ANK2: variants seen among roughly 807,000 people sequenced by gnomAD.
ANK2 encodes ankyrin 2.
ANK2 carries 83 observed loss-of-function variants against 360.5 expected under a neutral mutation model. The ratio of observed to expected loss-of-function variants is 0.23; its 90% CI spans 0.19 to 0.28. The LOEUF (loss-of-function observed/expected upper bound fraction) is 0.28, where lower values mean the gene tolerates loss of function less well. Among genes scored for constraint, ANK2 ranks in the 10% least tolerant of loss-of-function variants. ANK2 has a pLI of 1.00. For missense variants in ANK2, 4,201 were observed against 4,795.7 expected, an observed-to-expected ratio of 0.88 and a Z score of 3.66; for synonymous variants, 1,740 against 1,759.5, an observed-to-expected ratio of 0.99 and a Z score of 0.28.
intron 19 of ANK2, among the ~76,000 whole-genome samples, 192 bp downstream of exon 19, chr4:113,287,895 G>C (rs2065509112): frequency 1.3e-5 from 2 of 152,170 alleles, no homozygotes; most frequent in Non-Finnish European, 2.9e-5. Context: ...AAGTCCAGTG[G>C]ATAGCATGAG....
the ANK2 span, among the ~76,000 whole-genome samples, chr4:112,768,171 C>CCCA: frequency 1.1e-4 from 17 of 152,238 alleles, no homozygotes; most frequent in African/African-American, 4.1e-4. Context: ...ACTCCATAAT[C>CCCA]AATAGTCAAA....
At chr4:113,024,876 A>C (rs76128368) in intron 2 of ANK2, among the ~76,000 whole-genome samples, 7,482 of 152,262 alleles carry the variant, frequency 0.049, 241 homozygotes, top group Non-Finnish European at 0.077. Context: ...TTTCCCATAA[A>C]AAATTTTCTT....
At chr4:113,160,691 C>CA (rs1387216236) in intron 1 of ANK2, among the ~76,000 whole-genome samples, 1 of 152,172 alleles carries the variant, frequency 6.6e-6, no homozygotes, top group African/African-American at 2.4e-5. Context: ...ATGAATAAGT[C>CA]ATGGACTATT....
chr4:113,192,145 T>C (rs778873868), intron 2 of ANK2, among the ~76,000 whole-genome samples: 3 of 152,224 alleles, frequency 2.0e-5, no homozygotes, highest in Admixed American at 6.5e-5. Context: ...ACGTGTGCTA[T>C]GGTGGTTTGC....
At chr4:113,364,531 G>T (rs1279812577) in intron 40 of ANK2, among the ~76,000 whole-genome samples, 1 of 152,160 alleles carries the variant, frequency 6.6e-6, no homozygotes, top group African/African-American at 2.4e-5. Flanking sequence ...GGACACAATT[G>T]CTTTACTTAG....
the ANK2 span, among the ~76,000 whole-genome samples, chr4:112,758,406 C>T: frequency 3.9e-5 from 6 of 151,920 alleles, no homozygotes; most frequent in Non-Finnish European, 8.8e-5. Flanking sequence ...GAAATGCTGT[C>T]TATTTTTATT....
intron 45 of ANK2, among the ~76,000 whole-genome samples, chr4:113,379,874 A>G (rs1215345033): frequency 6.6e-6 from 1 of 152,210 alleles, no homozygotes; most frequent in African/African-American, 2.4e-5. Flanking sequence ...GAGGTATTGG[A>G]TGATGGCAGA....
the ANK2 span, among the ~76,000 whole-genome samples, chr4:112,765,079 C>G: frequency 4.6e-5 from 7 of 152,196 alleles, no homozygotes; most frequent in South Asian, 2.1e-4. Context: ...TAATTGTTAT[C>G]TCTACTGATG....
intron 1 of ANK2, among the ~76,000 whole-genome samples, chr4:112,829,289 G>A (rs1349753318): frequency 6.6e-6 from 1 of 152,040 alleles, no homozygotes; most frequent in African/African-American, 2.4e-5. Flanking sequence ...AACTATTACT[G>A]TATTAGAGTC....
chr4:113,193,898 A>T (rs1031535747), intron 2 of ANK2, among the ~76,000 whole-genome samples: 3 of 152,208 alleles, frequency 2.0e-5, no homozygotes, highest in African/African-American at 7.2e-5. Context: ...GATGTTATAT[A>T]AGTTAGTTGT....
Position 113,356,254 on chromosome 4 carries a change from G to T in ANK2, c.7636G>T (p.Val2546Phe). 1 of 1,614,048 alleles carries T rather than the reference G, an allele frequency of 6.2e-7. No individual in the cohort carries two copies. The highest frequency in any genetic ancestry group is 1.1e-5 in the South Asian group (1 of 91,082). The change falls in exon 38 of 46, where the codon GTC (valine) becomes TTC (phenylalanine). Residue 2546 changes from valine to phenylalanine, a missense_variant. By Grantham distance (50) the Val-to-Phe change is conservative. Coordinates refer to ENST00000357077, the MANE Select transcript of ANK2 (RefSeq NM_001148.6). Reference sequence around the variant, plus strand: ...TCCTGACACCCCCAGCTCTGAAGAAGTCAGCTATGAGGTTACACCCAAAAC... The same window carrying T: ...TCCTGACACCCCCAGCTCTGAAGAATTCAGCTATGAGGTTACACCCAAAAC... ...LSPDTPSSEEVSYEVTPKTTD... is the reference protein window; with the variant it reads ...LSPDTPSSEEFSYEVTPKTTD...
At chr4:113,379,476 T>G (rs142462055) in intron 45 of ANK2, among the ~76,000 whole-genome samples, 18 of 152,328 alleles carry the variant, frequency 1.2e-4, no homozygotes, top group Admixed American at 9.8e-4. Context: ...CAGAAACACA[T>G]TGGCCTACAT....
At chr4:112,939,476 A>AT (rs11402408) in intron 2 of ANK2, among the ~76,000 whole-genome samples, 49,849 of 147,536 alleles carry the variant, frequency 0.34, 10,567 homozygotes, top group African/African-American at 0.61. Context: ...TGCCTGGCTA[A>AT]TTTTTTTTTT....
Position 112,904,538 on chromosome 4 carries a change from A to G in ANK2, c.21+24A>G, listed in dbSNP as rs76764953. ...AGGTACTTTTGGTATTTTAAATATTACTTTAAAGGAATCTTATAAAAAGAC... is the reference window on the plus strand; with the variant it reads ...AGGTACTTTTGGTATTTTAAATATTGCTTTAAAGGAATCTTATAAAAAGAC... On this transcript the variant is annotated intron_variant, in intron 2 of 30. Transcript: ENST00000503271. The G allele has an allele frequency of 1.5e-3, 2,107 of 1,444,442 alleles. 17 individuals carry two copies. In the African/African-American group the frequency reaches 0.025, roughly 17 times the overall value. 89.5% of individuals were successfully genotyped at this position (1,444,442 alleles called of 1,614,324 possible). A position where few individuals can be genotyped will look rare whatever the true frequency, so the allele number is the denominator to read the frequency against.
chr4:112,793,359 G>A, the ANK2 span, among the ~76,000 whole-genome samples: 1 of 151,992 alleles, frequency 6.6e-6, no homozygotes, highest in African/African-American at 2.4e-5. Flanking sequence ...GTTTTAATGT[G>A]AAATTAGTTA....
intron 26 of ANK2, chr4:113,323,689 T>G (rs1264775939): frequency 3.4e-6 from 5 of 1,462,330 alleles, no homozygotes; most frequent in Non-Finnish European, 4.7e-6. Context: ...AATAAGTCAC[T>G]TCTGAGTTCC....
At chr4:112,996,830 C>G (rs539244052) in intron 2 of ANK2, among the ~76,000 whole-genome samples, 136 of 152,088 alleles carry the variant, frequency 8.9e-4, no homozygotes, top group Non-Finnish European at 1.5e-3. Context: ...AGGTTTTATT[C>G]ATTATTTTTT....
chr4:112,728,945 A>G, the ANK2 span, among the ~76,000 whole-genome samples: 2 of 152,024 alleles, frequency 1.3e-5, no homozygotes, highest in South Asian at 2.1e-4. Flanking sequence ...TTTGGCACAC[A>G]CCTGTGGTCC....
the ANK2 span, among the ~76,000 whole-genome samples, chr4:112,764,249 G>T: frequency 7.2e-4 from 109 of 151,994 alleles, 1 homozygote; most frequent in South Asian, 0.022. Context: ...GGCCCCCTCT[G>T]GCTTTCATGA....
Sources: allele counts gnomAD v4.1 joint callset (sites outside exome capture counted in the v4.1 genomes callset), GRCh38; gene constraint gnomAD v4.1.1; transcripts MANE v1.5; gene names NCBI Gene and HGNC (gene_info 2026-07-23, HGNC 2026-07-21).